The following LHFPL3 variants were observed in gnomAD, a reference collection of about 807,000 sequenced individuals.
LHFPL3 encodes LHFPL tetraspan subfamily member 3.
In LHFPL3, 5 loss-of-function variants were observed where a neutral mutation model predicts 19.3. The ratio of observed to expected loss-of-function variants is 0.26; its 90% confidence interval spans 0.14 to 0.54. The LOEUF (loss-of-function observed/expected upper bound fraction) is 0.54, where lower values mean the gene tolerates loss of function less well. Ranked by LOEUF, LHFPL3 falls within the 20% of genes least tolerant of loss-of-function variation. The probability of loss-of-function intolerance (pLI) is 0.94; values close to 1 mark genes in which losing one functional copy is unlikely to be tolerated. For synonymous variants in LHFPL3, 133 were observed against 126.2 expected (o/e 1.05, Z -0.36); for missense variants, 249 against 307.4 (o/e 0.81, Z 1.42).
intron 1 of LHFPL3, among the ~76,000 whole-genome samples, chr7:104,469,539 A>T (rs1792863220): frequency 6.6e-6 from 1 of 152,186 alleles, no homozygotes; most frequent in Admixed American, 6.5e-5. Flanking sequence ...AAAATTTGGT[A>T]TGAATCTTCT....
At chr7:104,679,522 C>T (rs540395300) in intron 1 of LHFPL3, among the ~76,000 whole-genome samples, 1 of 152,330 alleles carries the variant, frequency 6.6e-6, no homozygotes, top group South Asian at 2.1e-4. Flanking sequence ...GTGTGGAACG[C>T]TTTCAGTTGT....
At chr7:104,723,236 C>A (rs1247053326) in intron 1 of LHFPL3, among the ~76,000 whole-genome samples, 1 of 152,176 alleles carries the variant, frequency 6.6e-6, no homozygotes, top group African/African-American at 2.4e-5. Flanking sequence ...AGCCTCTACA[C>A]AGAGATTCCT....
intron 1 of LHFPL3, among the ~76,000 whole-genome samples, chr7:104,359,178 A>G (rs779465396): frequency 2.6e-5 from 4 of 152,110 alleles, no homozygotes; most frequent in Non-Finnish European, 5.9e-5. Flanking sequence ...TTGCATATTT[A>G]TTGCCCTCAA....
intron 2 of LHFPL3, among the ~76,000 whole-genome samples, chr7:104,777,410 G>T (rs1329026360): frequency 6.6e-6 from 1 of 152,208 alleles, no homozygotes; most frequent in Non-Finnish European, 1.5e-5. Flanking sequence ...TCTGGGAGAT[G>T]CCCCGCTGTG....
At chr7:104,661,166 G>A (rs1288947238) in intron 1 of LHFPL3, among the ~76,000 whole-genome samples, 1 of 152,174 alleles carries the variant, frequency 6.6e-6, no homozygotes, top group African/African-American at 2.4e-5. Context: ...TCAAGATGAT[G>A]TCAAAGAAAC....
intron 1 of LHFPL3, among the ~76,000 whole-genome samples, chr7:104,616,111 T>C (rs1791332739): frequency 6.6e-6 from 1 of 152,184 alleles, no homozygotes; most frequent in Non-Finnish European, 1.5e-5. Flanking sequence ...TACCATTGAC[T>C]TTCTTCACAG....
chr7:104,785,506 A>G (rs1314851032), intron 2 of LHFPL3: 3 of 152,262 alleles, frequency 2.0e-5, no homozygotes, highest in African/African-American at 7.2e-5. Context: ...ACTGTCCCAT[A>G]GGTCCCTCAA....
chr7:104,772,157 C>A (rs1794564479), intron 2 of LHFPL3, among the ~76,000 whole-genome samples: 1 of 152,026 alleles, frequency 6.6e-6, no homozygotes, highest in Non-Finnish European at 1.5e-5. Flanking sequence ...GCCAATCATA[C>A]CTTCATTTGA....
intron 2 of LHFPL3, among the ~76,000 whole-genome samples, chr7:104,869,249 T>G (rs528100920): frequency 6.6e-6 from 1 of 152,206 alleles, no homozygotes; most frequent in East Asian, 1.9e-4. Flanking sequence ...GGAATCTAAT[T>G]AAACTAAAGA....
intron 2 of LHFPL3, among the ~76,000 whole-genome samples, chr7:104,903,589 C>A (rs1411170263): frequency 1.3e-5 from 2 of 151,932 alleles, no homozygotes; most frequent in Admixed American, 6.6e-5. Context: ...CTCAGCCTCC[C>A]AAGTAGCTTG....
At chr7:104,393,296 C>A (rs1791115881) in intron 1 of LHFPL3, among the ~76,000 whole-genome samples, 1 of 152,088 alleles carries the variant, frequency 6.6e-6, no homozygotes, top group East Asian at 1.9e-4. Flanking sequence ...ACCATATGAC[C>A]TAGCAGTTCC....
At chr7:104,582,264 A>G (rs1318537114) in intron 1 of LHFPL3, among the ~76,000 whole-genome samples, 2 of 151,508 alleles carry the variant, frequency 1.3e-5, no homozygotes, top group Non-Finnish European at 3.0e-5. Context: ...TTATTTTCCA[A>G]TTGTTTGCTG....
chr7:104,775,196 A>T (rs1409387870), intron 2 of LHFPL3, among the ~76,000 whole-genome samples: 1 of 152,218 alleles, frequency 6.6e-6, no homozygotes, highest in Non-Finnish European at 1.5e-5. Context: ...GTTCAAGACC[A>T]GCCTGGCCAA....
intron 1 of LHFPL3, among the ~76,000 whole-genome samples, chr7:104,532,460 T>C (rs1204522142): frequency 6.6e-6 from 1 of 151,986 alleles, no homozygotes; most frequent in East Asian, 1.9e-4. Flanking sequence ...TGTGCCCTGC[T>C]AATAATCTGT....
At chr7:104,518,184 T>C (rs779057352) in intron 1 of LHFPL3, among the ~76,000 whole-genome samples, 1 of 152,160 alleles carries the variant, frequency 6.6e-6, no homozygotes, top group Non-Finnish European at 1.5e-5. Context: ...TTTATACTGT[T>C]TGTTTTGATC....
At chr7:104,504,631 G>T (rs1315181080) in intron 1 of LHFPL3, among the ~76,000 whole-genome samples, 2 of 152,040 alleles carry the variant, frequency 1.3e-5, no homozygotes, top group Admixed American at 1.3e-4. Context: ...GGGGTCTCAG[G>T]GTTGATTCCA....
chr7:104,855,880 G>A (rs1562815787), intron 2 of LHFPL3, among the ~76,000 whole-genome samples: 3 of 152,096 alleles, frequency 2.0e-5, no homozygotes, highest in Non-Finnish European at 4.4e-5. Context: ...AATGTGCTGG[G>A]ATTACAGGCA....
chr7:104,475,243 T>G (rs1195821699), intron 1 of LHFPL3, among the ~76,000 whole-genome samples: 2 of 152,168 alleles, frequency 1.3e-5, no homozygotes, highest in Non-Finnish European at 2.9e-5. Flanking sequence ...AATAAAATGG[T>G]GCAGACAGAA....
chr7:104,410,656 AAAC>A (rs1216339277), intron 1 of LHFPL3, among the ~76,000 whole-genome samples: 1 of 152,218 alleles, frequency 6.6e-6, no homozygotes, highest in South Asian at 2.1e-4. Flanking sequence ...TTAAAGATTC[AAAC>A]AACATCATGC....
Sources: gnomAD v4.1 joint callset for allele counts (sites outside exome capture counted in the v4.1 genomes callset) on GRCh38, gnomAD v4.1.1 for gene constraint, MANE v1.5 for transcripts, NCBI Gene and HGNC (gene_info 2026-07-23, HGNC 2026-07-21) for gene names.